The following GPT2 variants were observed in gnomAD, a reference collection of about 807,000 sequenced individuals.
GPT2 encodes the protein alanine aminotransferase 2.
GPT2 carries 30 observed loss-of-function variants against 56.9 expected under a neutral mutation model. The ratio of observed to expected loss-of-function variants is 0.53; its 90% CI spans 0.39 to 0.72. GPT2 has a LOEUF of 0.72. Among genes scored for constraint, GPT2 ranks in the 30% least tolerant of loss-of-function variants. GPT2 has a pLI of 0.00. For synonymous variants in GPT2, 271 were observed against 283.1 expected (o/e 0.96, Z 0.43); for missense variants, 542 against 703.4 (o/e 0.77, Z 2.60).
At position 46,884,725 on chromosome 16, in the gene GPT2, G is replaced by A; in HGVS notation, c.10G>A (p.Ala4Thr). Residue 4 changes from alanine to threonine, a missense_variant, in exon 2 of 12, where the codon GCG becomes ACG. Coordinates refer to ENST00000340124, the MANE Select transcript of GPT2 (RefSeq NM_133443.4). MQRAAALVRRGCGP... is the reference protein window; with the variant it reads MQRTAALVRRGCGP... ...TCTCCGCAAGCGCGCGATGCAGCGG[G>A]CGGCGGCGCTGGTCCGGCGGGGCTG... 7.2e-7 allele frequency: 1 copy of A among 1,381,026 alleles called. No individual in the cohort carries two copies. Among genetic ancestry groups the A allele is most frequent in the Non-Finnish European group, 9.4e-7 (1 of 1,065,828 alleles). The allele number at this position is 1,381,026 out of a possible 1,614,324, so 85.5% of individuals were successfully genotyped here.
At chr16:46,908,425 C>T (rs1203661234) in intron 5 of GPT2, among the ~76,000 whole-genome samples, 3 of 152,224 alleles carry the variant, frequency 2.0e-5, no homozygotes, top group Admixed American at 6.5e-5. Context: ...TTTCTGCACA[C>T]GCCTCCCAGG....
chr16:46,892,060 A>G (rs1176542039), intron 2 of GPT2, among the ~76,000 whole-genome samples: 1 of 152,196 alleles, frequency 6.6e-6, no homozygotes, highest in Non-Finnish European at 1.5e-5. Flanking sequence ...CCTTTGACCA[A>G]CATTGCCACA....
At chr16:46,928,780 G>T (rs1961469520) in intron 11 of GPT2, 127 bp from the exon 12 acceptor site, 2 of 703,312 alleles carry the variant, frequency 2.8e-6, no homozygotes, top group African/African-American at 1.7e-5. Flanking sequence ...GTGCTGTCCG[G>T]GCTGGAGCTG....
chr16:46,889,890 G>T (rs1192079201), intron 2 of GPT2, among the ~76,000 whole-genome samples: 1 of 152,186 alleles, frequency 6.6e-6, no homozygotes, highest in Non-Finnish European at 1.5e-5. Flanking sequence ...CTGGGTCTGG[G>T]AAGTGTTCTG....
chr16:46,926,884 G>T, intron 10 of GPT2, 41 bp from the exon 11 acceptor site: 1 of 1,356,800 alleles, frequency 7.4e-7, no homozygotes, highest in Non-Finnish European at 1.0e-6. Context: ...TGGTGTGTTT[G>T]CAAAGCCAGG....
rs1433668611 is a variant in GPT2 at position 46,918,632 on chromosome 16, C to T, written c.912C>T (p.Asp304=). The T allele has an allele frequency of 1.9e-6, 3 of 1,614,172 alleles. No homozygotes were observed. In the Admixed American group the frequency reaches 5.0e-5, roughly 27 times the overall value. The change falls in exon 8 of 12, where the codon GAC becomes GAT. Residue 304 remains aspartate (D), a synonymous_variant. Coordinates refer to ENST00000340124, the MANE Select transcript of GPT2 (RefSeq NM_133443.4). Reference sequence around the variant, plus strand: ...CCGTGCCCCCGCAGGTGTACCAGGACAACGTGTACTCTCCAGATTGCAGAT... The same window carrying T: ...CCGTGCCCCCGCAGGTGTACCAGGATAACGTGTACTCTCCAGATTGCAGAT... ...LFLLADEVYQ[D]NVYSPDCRFH... is the part of the protein sequence containing the mutation.
intron 6 of GPT2, 89 bp downstream of exon 6, chr16:46,910,016 G>A: frequency 6.9e-7 from 1 of 1,451,560 alleles, no homozygotes. Context: ...ATAATTGGAG[G>A]GTCTCTCTGC....
At chr16:46,895,983 G>A (rs906513535) in intron 2 of GPT2, among the ~76,000 whole-genome samples, 2 of 152,202 alleles carry the variant, frequency 1.3e-5, no homozygotes, top group African/African-American at 4.8e-5. Context: ...GGTACCTTTG[G>A]GGAAGGGGCA....
At position 46,884,385 on chromosome 16, in the gene GPT2, T is replaced by G; in HGVS notation, c.-105T>G. 2.6e-5 allele frequency: 5 copies of G among 188,714 alleles called. No individual in the cohort carries two copies. Among genetic ancestry groups the G allele is most frequent in the East Asian group, 1.2e-4 (1 of 8,008 alleles). The allele number at this position is 188,714 out of a possible 1,614,324, so 11.7% of individuals were successfully genotyped here. On this transcript the variant is annotated 5_prime_UTR_variant, in exon 1 of 12. It removes an upstream start codon present in the reference 5' UTR. Coordinates refer to ENST00000340124, the MANE Select transcript of GPT2 (RefSeq NM_133443.4). ...GCGGCGCGGGCGCCGGGCGCGGGGATGCGGCTGTGGGCGCCGGGGCCGGGT... is the reference window on the plus strand; with the variant it reads ...GCGGCGCGGGCGCCGGGCGCGGGGAGGCGGCTGTGGGCGCCGGGGCCGGGT...
intron 2 of GPT2, among the ~76,000 whole-genome samples, chr16:46,890,263 G>A (rs1567332431): frequency 6.6e-6 from 1 of 152,176 alleles, no homozygotes; most frequent in Non-Finnish European, 1.5e-5. Flanking sequence ...GTTTGTCTTT[G>A]GGGCCTCTTG....
At chr16:46,925,604 G>A (rs959080015) in intron 10 of GPT2, among the ~76,000 whole-genome samples, 1 of 152,110 alleles carries the variant, frequency 6.6e-6, no homozygotes, top group African/African-American at 2.4e-5. Context: ...GCTGAAGTGG[G>A]AGGATCATTT....
intron 5 of GPT2, among the ~76,000 whole-genome samples, chr16:46,908,069 C>T (rs1960971708): frequency 1.4e-5 from 2 of 145,334 alleles, no homozygotes; most frequent in African/African-American, 2.6e-5. Context: ...AGCCTGCAGT[C>T]CTGGGTTTGG....
intron 10 of GPT2, among the ~76,000 whole-genome samples, chr16:46,925,956 C>T (rs1368065176): frequency 2.0e-5 from 3 of 151,488 alleles, no homozygotes; most frequent in Non-Finnish European, 2.9e-5. Context: ...ACGGTGAAAC[C>T]CCCATCTCTA....
Position 46,885,369 on chromosome 16 carries a change from G to A in GPT2, c.243+411G>A, listed in dbSNP as rs189039874. 1.9e-5 allele frequency: 9 copies of A among 462,696 alleles called. No homozygotes were observed. In the East Asian group the frequency reaches 1.3e-3, roughly 67 times the overall value. The allele number at this position is 462,696 out of a possible 1,614,324, so 28.7% of individuals were successfully genotyped here. A position where few individuals can be genotyped will look rare whatever the true frequency, so the allele number is the denominator to read the frequency against. ...AGGGTTGGGATGGGGGCGGTGGGAG[G>A]GAAACCATTTTAGGTAGGAGGGGAG... On this transcript the variant is annotated intron_variant, in intron 2 of 11. Transcript: ENST00000340124.
intron 7 of GPT2, among the ~76,000 whole-genome samples, chr16:46,917,563 A>G (rs1201570361): frequency 6.6e-6 from 1 of 152,152 alleles, no homozygotes; most frequent in Non-Finnish European, 1.5e-5. Flanking sequence ...AGGTTCCAGC[A>G]AATCCTCTTT....
At position 46,927,295 on chromosome 16, in the gene GPT2, C is replaced by T. The variant is rs373182866; in HGVS notation, c.1481+258C>T. On this transcript the variant is annotated intron_variant, in intron 11 of 11. Coordinates refer to ENST00000340124, the MANE Select transcript of GPT2 (RefSeq NM_133443.4). ...CTATTCTGTCTCTCCCCTCTGCCATCGGTCCCATCGCTGTCTGAAATGTTC... is the reference window on the plus strand; with the variant it reads ...CTATTCTGTCTCTCCCCTCTGCCATTGGTCCCATCGCTGTCTGAAATGTTC... Among the ~76,000 whole-genome samples, 9 of 152,320 alleles carry T rather than the reference C, an allele frequency of 5.9e-5. No homozygotes were observed. The South Asian group carries it at 1.7e-3, about 28-fold the overall frequency.
At chr16:46,900,583 C>T (rs1960796511) in intron 3 of GPT2, 99 bp from the exon 4 acceptor site, 1 of 883,128 alleles carries the variant, frequency 1.1e-6, no homozygotes, top group South Asian at 1.5e-5. Flanking sequence ...GCGTCAGCCC[C>T]ATCCCTGGGA....
chr16:46,898,988 AT>A (rs1567335135), intron 3 of GPT2, among the ~76,000 whole-genome samples: 1 of 128,114 alleles, frequency 7.8e-6, no homozygotes, highest in Non-Finnish European at 1.6e-5. Flanking sequence ...ATATATATAT[AT>A]ATAACACACA....
At chr16:46,925,256 C>G (rs1380714102) in intron 10 of GPT2, among the ~76,000 whole-genome samples, 1 of 151,744 alleles carries the variant, frequency 6.6e-6, no homozygotes, top group Non-Finnish European at 1.5e-5. Flanking sequence ...GAGTCTTGCT[C>G]TGTCGCCCAG....
Sources: allele counts gnomAD v4.1 joint callset (sites outside exome capture counted in the v4.1 genomes callset), GRCh38; gene constraint gnomAD v4.1.1; transcripts MANE v1.5; gene names NCBI Gene and HGNC (gene_info 2026-07-23, HGNC 2026-07-21).